MUC3A: variants seen among roughly 807,000 people sequenced by gnomAD.
The protein encoded by MUC3A is mucin 3A, cell surface associated.
In MUC3A, 109 loss-of-function variants were observed where a neutral mutation model predicts 109.0. The observed-to-expected ratio is 1.00, with a 90% confidence interval of 0.86 to 1.17. MUC3A has a LOEUF of 1.17. Ranked by LOEUF, MUC3A falls within the 50% of genes most tolerant of loss-of-function variation. The pLI, the probability that MUC3A is intolerant of heterozygous loss-of-function variation, is 0.00. For synonymous variants in MUC3A, 1,398 were observed against 981.4 expected, an observed-to-expected ratio of 1.42 and a Z score of -7.93; for missense variants, 3,537 against 2,469.4, an observed-to-expected ratio of 1.43 and a Z score of -9.16.
rs763103230 is a variant in MUC3A at position 100,952,550 on chromosome 7, C to A, written c.771C>A (p.Ser257=). The A allele has an allele frequency of 6.3e-7, 1 of 1,598,462 alleles. No individual in the cohort carries two copies. The highest frequency in any genetic ancestry group is 1.7e-5 in the Admixed American group (1 of 60,026). ...TCAAAACAGCAGTGACTTCCACTTC[C>A]CCCATCACTTCTTCAATCACTTCCA... ...TTLKTAVTST[S]PITSSITSTN... Residue 257 remains serine (S), a synonymous_variant, in exon 2 of 12, where the codon TCC becomes TCA. Transcript: ENST00000379458.
intron 2 of MUC3A, 28 bp from the exon 3 acceptor site, chr7:100,960,724 A>G: frequency 6.3e-7 from 1 of 1,595,644 alleles, no homozygotes; most frequent in Non-Finnish European, 8.5e-7. Context: ...CTTTATCCTG[A>G]GCTTCCCTTT....
In MUC3A at chr7:100,952,124, T is replaced by C; in HGVS notation, c.345T>C (p.Thr115=). 1 of 1,598,560 alleles carries C rather than the reference T, an allele frequency of 6.3e-7. No homozygotes were observed. The highest frequency in any genetic ancestry group is 2.2e-5 in the East Asian group (1 of 44,890). The change falls in exon 2 of 12, where the codon ACT becomes ACC. Residue 115 remains threonine (T), a synonymous_variant. Coordinates refer to ENST00000379458, the MANE Select transcript of MUC3A (RefSeq NM_005960.2). Reference sequence around the variant, plus strand: ...AGTTTGCCTTCAAGGTTGAAACCACTCCACCCACCGTGTTGGTCTATTCAG... The same window carrying C: ...AGTTTGCCTTCAAGGTTGAAACCACCCCACCCACCGTGTTGGTCTATTCAG... ...TSKFAFKVET[T]PPTVLVYSAT... is the part of the protein sequence containing the mutation.
Position 100,966,564 on chromosome 7 carries a change from G to A in MUC3A, c.9785+5G>A. On this transcript the variant is annotated splice_donor_5th_base_variant and intron_variant, in intron 9 of 11. Transcript: ENST00000379458. ...GGGCGGCCAGCGCCGAGGCCGGTGA[G>A]CGTGCGGGGGGCGGGGCCGGGGGGC... The A allele has an allele frequency of 1.3e-6, 2 of 1,488,472 alleles. No individual in the cohort carries two copies. The highest frequency in any genetic ancestry group is 8.8e-7 in the Non-Finnish European group (1 of 1,130,108). The allele number at this position is 1,488,472 out of a possible 1,614,324, so 92.2% of individuals were successfully genotyped here. A position where few individuals can be genotyped will look rare whatever the true frequency, so the allele number is the denominator to read the frequency against.
Position 100,953,798 on chromosome 7 carries a change from C to T in MUC3A, c.2019C>T (p.Val673=). The T allele has an allele frequency of 2.3e-6, 1 of 438,188 alleles. No individual in the cohort carries two copies. Among genetic ancestry groups the T allele is most frequent in the Non-Finnish European group, 4.0e-6 (1 of 251,026 alleles). The allele number at this position is 438,188 out of a possible 1,614,324, so 27.1% of individuals were successfully genotyped here. Residue 673 remains valine, a synonymous_variant, in exon 2 of 12, where the codon GTC becomes GTT. Coordinates refer to ENST00000379458, the MANE Select transcript of MUC3A (RefSeq NM_005960.2). ...GTATGCCTCTGTCTTCTACACCTGT[C>T]CCAAGCACAGAAGTAGTCACCAGTG... ...LTSMPLSSTP[V]PSTEVVTSGT...
chr7:100,963,287 A>ATGTTTTTTTTTTTT (rs1792401772), intron 4 of MUC3A, 21 bp downstream of exon 4: 1 of 1,025,972 alleles, frequency 9.7e-7, no homozygotes, highest in Non-Finnish European at 1.3e-6. Flanking sequence ...AAGAGAGGGG[A>ATGTTTTTTTTTTTT]TTTTTTTTTT....
At chr7:100,965,471 G>A (rs1465520820) in intron 7 of MUC3A, 124 bp downstream of exon 7, 249 of 1,490,686 alleles carry the variant, frequency 1.7e-4, no homozygotes, top group Middle Eastern at 5.1e-4. Flanking sequence ...TGTGGCCCAG[G>A]GCGGCCCTTC....
At position 100,966,083 on chromosome 7, in the gene MUC3A, G is replaced by A; in HGVS notation, c.9611+217G>A. ...GTTGAGTCCTGTCCCCTAATTCTGG[G>A]AGAGAACCCCGCCCACTCATTCTAG... On this transcript the variant is annotated intron_variant, in intron 8 of 11. Transcript: ENST00000379458. 6.0e-6 allele frequency: 4 copies of A among 666,462 alleles called. No individual in the cohort carries two copies. The South Asian group carries it at 1.2e-4, about 20-fold the overall frequency. The allele number at this position is 666,462 out of a possible 1,614,324, so 41.3% of individuals were successfully genotyped here.
chr7:100,956,325 G>T lies in MUC3A; in HGVS notation c.4546G>T (p.Val1516Leu), dbSNP rs1792094462. The stretch of plus-strand genomic sequence containing the variant: ...AGCCAAAACTCCTACCACAAACTTG[G>T]TAACCACCACCACCAAGACCACCTC... ...ETAKTPTTNL[V>L]TTTTKTTSHS... Residue 1516 changes from valine to leucine, a missense_variant, in exon 2 of 12, where the codon GTA becomes TTA. By Grantham distance (32) the Val-to-Leu change is conservative (BLOSUM62 1). Coordinates refer to ENST00000379458, the MANE Select transcript of MUC3A (RefSeq NM_005960.2). The T allele has an allele frequency of 1.3e-5, 8 of 592,820 alleles. No individual in the cohort carries two copies. Among genetic ancestry groups the T allele is most frequent in the Non-Finnish European group, 2.4e-5 (8 of 335,444 alleles). The allele number at this position is 592,820 out of a possible 1,614,324, so 36.7% of individuals were successfully genotyped here.
rs112228251 is a variant in MUC3A at position 100,959,404 on chromosome 7, G to T, written c.7625G>T (p.Gly2542Val). ...AGTACAGAAACCTCATCCCTTGTGGGCACCACCTCTCCCACCATGTCCACT... is the reference window on the plus strand; with the variant it reads ...AGTACAGAAACCTCATCCCTTGTGGTCACCACCTCTCCCACCATGTCCACT... ...IQSTETSSLV[G>V]TTSPTMSTVR... is the part of the protein sequence containing the mutation. The change falls in exon 2 of 12, where the codon GGC (glycine) becomes GTC (valine). Residue 2542 changes from glycine (G) to valine (V), a missense_variant. Coordinates refer to ENST00000379458, the MANE Select transcript of MUC3A (RefSeq NM_005960.2). 57,936 of 1,529,002 alleles carry T rather than the reference G, an allele frequency of 0.038. 15 individuals are homozygous for T. The highest frequency in any genetic ancestry group is 0.26 in the African/African-American group (18,187 of 68,768). 94.7% of individuals were successfully genotyped at this position (1,529,002 alleles called of 1,614,324 possible).
Position 100,957,565 on chromosome 7 carries a change from C to A in MUC3A, c.5786C>A (p.Thr1929Asn), listed in dbSNP as rs1792132806. Residue 1929 changes from threonine to asparagine, a missense_variant, in exon 2 of 12, where the codon ACC becomes AAC. Coordinates refer to ENST00000379458, the MANE Select transcript of MUC3A (RefSeq NM_005960.2). ...ACTCCCAGATTCACTTCTTCAATCA[C>A]CACTACCGAGACCCCCTCACACAGT... ...HSTPRFTSSI[T>N]TTETPSHSTP... is the part of the protein sequence containing the mutation. 3.9e-5 allele frequency: 60 copies of A among 1,522,824 alleles called. No homozygotes were observed. In the South Asian group the frequency reaches 6.2e-4, roughly 16 times the overall value. 94.3% of individuals were successfully genotyped at this position (1,522,824 alleles called of 1,614,324 possible). A position where few individuals can be genotyped will look rare whatever the true frequency, so the allele number is the denominator to read the frequency against.
intron 4 of MUC3A, 37 bp downstream of exon 4, chr7:100,963,303 T>TTTTTTTTTTTTTTGA: frequency 1.1e-5 from 15 of 1,393,034 alleles, no homozygotes; most frequent in Non-Finnish European, 1.4e-5. Context: ...TTTTTTTTTT[T>TTTTTTTTTTTTTTGA]GAGGTGTAGT....
In MUC3A at chr7:100,966,513, G is replaced by T; in HGVS notation, c.9739G>T (p.Val3247Phe). 1 of 1,302,088 alleles carries T rather than the reference G, an allele frequency of 7.7e-7. No individual in the cohort carries two copies. Among genetic ancestry groups the T allele is most frequent in the Non-Finnish European group, 9.7e-7 (1 of 1,034,688 alleles). 80.7% of individuals were successfully genotyped at this position (1,302,088 alleles called of 1,614,324 possible). A position where few individuals can be genotyped will look rare whatever the true frequency, so the allele number is the denominator to read the frequency against. The change falls in exon 9 of 12, where the codon GTC becomes TTC. Residue 3247 changes from valine (V) to phenylalanine (F), a missense_variant. Val to Phe is a conservative substitution (Grantham distance 50, BLOSUM62 -1). Coordinates refer to ENST00000379458, the MANE Select transcript of MUC3A (RefSeq NM_005960.2). ...GGTGCTGCTGCTGCTGGCGCTGGGC[G>T]TCCGGGCGGTGCGCTCCGGATGGTG... The part of the protein sequence containing the change: ...LLVLLLLALG[V>F]RAVRSGWWGG...
intron 8 of MUC3A, 60 bp downstream of exon 8, chr7:100,965,926 C>CCTAT: frequency 6.6e-7 from 1 of 1,525,822 alleles, no homozygotes; most frequent in South Asian, 1.3e-5. Flanking sequence ...TAGGATGAAG[C>CCTAT]CCTGCCCCAT....
chr7:100,963,875 A>T, intron 5 of MUC3A, 123 bp downstream of exon 5: 2 of 1,402,548 alleles, frequency 1.4e-6, no homozygotes, highest in Non-Finnish European at 2.0e-6. Context: ...GGGGTACATA[A>T]GGAATCACTC....
rs761678511 is a variant in MUC3A, at chr7:100,960,377, G to T, written c.8598G>T (p.Leu2866=). 2 of 1,598,544 alleles carry T rather than the reference G, an allele frequency of 1.3e-6. No homozygotes were observed. The highest frequency in any genetic ancestry group is 3.3e-5 in the Admixed American group (2 of 60,032). ...ACACAGTTTTCACAAGTACTCGACT[G>T]CCCACCAGTGAGACCTGGCTGAGCA... The part of the protein sequence containing the change: ...PTNTVFTSTR[L]PTSETWLSNS... The change falls in exon 2 of 12, where the codon CTG becomes CTT. Residue 2866 remains leucine, a synonymous_variant. Coordinates refer to ENST00000379458, the MANE Select transcript of MUC3A (RefSeq NM_005960.2).
Position 100,959,362 on chromosome 7 carries a change from C to T in MUC3A, c.7583C>T (p.Ser2528Phe). Residue 2528 changes from serine to phenylalanine, a missense_variant, in exon 2 of 12, where the codon TCT becomes TTT. Coordinates refer to ENST00000379458, the MANE Select transcript of MUC3A (RefSeq NM_005960.2). Reference sequence around the variant, plus strand: ...CCAACTCGAACACACATCATTTCATCTTCTCCCTCCATCCAAAGTACAGAA... The same window carrying T: ...CCAACTCGAACACACATCATTTCATTTTCTCCCTCCATCCAAAGTACAGAA... Reference protein sequence around the residue: ...TLPTRTHIISSSPSIQSTETS... With the variant: ...TLPTRTHIISFSPSIQSTETS... 2 of 1,540,520 alleles carry T rather than the reference C, an allele frequency of 1.3e-6. No individual in the cohort carries two copies. The highest frequency in any genetic ancestry group is 1.7e-6 in the Non-Finnish European group (2 of 1,152,284).
In MUC3A at chr7:100,952,182, A is replaced by G. The variant is rs758814418; in HGVS notation, c.403A>G (p.Ile135Val). The G allele has an allele frequency of 6.3e-7, 1 of 1,598,524 alleles. No homozygotes were observed. Among genetic ancestry groups the G allele is most frequent in the East Asian group, 2.2e-5 (1 of 44,888 alleles). Residue 135 changes from isoleucine (I) to valine (V), a missense_variant, in exon 2 of 12, where the codon ATA becomes GTA. Physicochemically the swap from Ile to Val is conservative, Grantham distance 29. Coordinates refer to ENST00000379458, the MANE Select transcript of MUC3A (RefSeq NM_005960.2). ...TGAGTGCGTGTATCCAACGAGCTTT[A>G]TAATCACCATCTCCCACCCCACCTC... ...TTECVYPTSFIITISHPTSIC... is the reference protein window; with the variant it reads ...TTECVYPTSFVITISHPTSIC...
At position 100,965,807 on chromosome 7, in the gene MUC3A, C is replaced by G; in HGVS notation, c.9552C>G (p.Asp3184Glu). The change falls in exon 8 of 12, where the codon GAC (aspartate) becomes GAG (glutamate). Residue 3184 changes from aspartate to glutamate, a missense_variant. Physicochemically the swap from Asp to Glu is conservative, Grantham distance 45. Coordinates refer to ENST00000379458, the MANE Select transcript of MUC3A (RefSeq NM_005960.2). Reference protein sequence around the residue: ...RCVTKCTSGVDNAIDCHQGQC... With the variant: ...RCVTKCTSGVENAIDCHQGQC... ...TCACCAAATGCACGTCGGGGGTGGA[C>G]AACGCCATCGACTGTCACCAGGGCC... The G allele has an allele frequency of 6.3e-7, 1 of 1,597,594 alleles. No homozygotes were observed. Among genetic ancestry groups the G allele is most frequent in the East Asian group, 2.2e-5 (1 of 44,872 alleles).
chr7:100,960,443 C>T lies in MUC3A; in HGVS notation c.8664C>T (p.Thr2888=). 6.3e-7 allele frequency: 1 copy of T among 1,598,604 alleles called. No homozygotes were observed. Among genetic ancestry groups the T allele is most frequent in the Non-Finnish European group, 8.5e-7 (1 of 1,179,826 alleles). ...VIPLPLPGVS[T]IPLTMKPSSS... ...CCCTACCTCTTCCTGGCGTCTCTAC[C>T]ATCCCGCTCACCATGAAACCAAGCA... The change falls in exon 2 of 12, where the codon ACC becomes ACT. Residue 2888 remains threonine (T), a synonymous_variant. Coordinates refer to ENST00000379458, the MANE Select transcript of MUC3A (RefSeq NM_005960.2).
Sources: gnomAD v4.1 joint callset for allele counts on GRCh38, gnomAD v4.1.1 for gene constraint, MANE v1.5 for transcripts, NCBI Gene and HGNC (gene_info 2026-07-23, HGNC 2026-07-21) for gene names.